DYNC1LI2: variants seen among roughly 807,000 people sequenced by gnomAD.
DYNC1LI2 encodes dynein cytoplasmic 1 light intermediate chain 2.
Under a neutral mutation model 57.8 loss-of-function variants are expected in DYNC1LI2, and 19 were observed. The observed-to-expected ratio is 0.33, with a 90% confidence interval of 0.23 to 0.48. The LOEUF (loss-of-function observed/expected upper bound fraction) is 0.48. DYNC1LI2 is among the 20% of genes least tolerant of loss of function. DYNC1LI2 has a pLI of 0.99. For synonymous variants in DYNC1LI2, 256 were observed against 233.4 expected (o/e 1.10, Z -0.88); for missense variants, 470 against 604.2 (o/e 0.78, Z 2.33).
chr16:66,721,955 C>G lies in DYNC1LI2; in HGVS notation c.*1767G>C, dbSNP rs2144959576. 1 of 152,432 alleles carries G rather than the reference C, an allele frequency of 6.6e-6. No homozygotes were observed. Among genetic ancestry groups the G allele is most frequent in the South Asian group, 2.1e-4 (1 of 4,822 alleles). The allele number at this position is 152,432 out of a possible 1,614,324, so 9.4% of individuals were successfully genotyped here. On this transcript the variant is annotated 3_prime_UTR_variant, in exon 13 of 13. Transcript: ENST00000258198. ...TGGTCACTATACCACAATTATCATT[C>G]TACAGTCAGTTTACTGTCATTACCT... is the stretch of plus-strand genomic sequence containing the variant.
intron 4 of DYNC1LI2, among the ~76,000 whole-genome samples, chr16:66,739,491 C>T (rs1179268131): frequency 2.6e-5 from 4 of 152,000 alleles, no homozygotes; most frequent in East Asian, 1.9e-4. Flanking sequence ...GCCCAGGCTG[C>T]GGGGCAGTGG....
intron 3 of DYNC1LI2, among the ~76,000 whole-genome samples, chr16:66,745,451 T>C (rs2017918204): frequency 6.6e-6 from 1 of 151,460 alleles, no homozygotes; most frequent in Non-Finnish European, 1.5e-5. Context: ...CTGATTTTTG[T>C]ATTTTTAGTA....
intron 8 of DYNC1LI2, 21 bp from the exon 9 acceptor site, chr16:66,729,120 T>C (rs762407729): frequency 1.9e-6 from 3 of 1,613,874 alleles, no homozygotes; most frequent in South Asian, 2.2e-5. Flanking sequence ...ACATACATGT[T>C]TGTGGCCACA....
intron 6 of DYNC1LI2, 79 bp from the exon 7 acceptor site, chr16:66,732,553 C>A: frequency 2.0e-6 from 3 of 1,466,950 alleles, no homozygotes; most frequent in South Asian, 1.4e-5. Flanking sequence ...AAGTACTACT[C>A]ATAGGTTGAT....
chr16:66,734,170 T>C (rs202064326), intron 6 of DYNC1LI2, 48 bp downstream of exon 6: 4 of 1,588,664 alleles, frequency 2.5e-6, no homozygotes, highest in East Asian at 2.2e-5. Context: ...GATGCCCCAT[T>C]TGGAAGAAAG....
At chr16:66,748,305 A>AAAAAAAAAAAAAAAAAAAAAT (rs1441454828) in intron 3 of DYNC1LI2, among the ~76,000 whole-genome samples, 2 of 137,342 alleles carry the variant, frequency 1.5e-5, no homozygotes, top group African/African-American at 5.5e-5. Context: ...AAAAAAAAAA[A>AAAAAAAAAAAAAAAAAAAAAT]CTAACATAAA....
chr16:66,729,987 G>A (rs1476649468), intron 8 of DYNC1LI2, 125 bp downstream of exon 8: 9 of 671,404 alleles, frequency 1.3e-5, no homozygotes, highest in Admixed American at 1.0e-4. Context: ...TGCCATGTTC[G>A]CCAGGCTGGT....
chr16:66,728,283 CAG>C, intron 9 of DYNC1LI2, 41 bp from the exon 10 acceptor site: 1 of 1,612,464 alleles, frequency 6.2e-7, no homozygotes, highest in Non-Finnish European at 8.5e-7. Flanking sequence ...CCAAGGCCTG[CAG>C]AGAGCACTGA....
rs2018044332 is a variant in DYNC1LI2, at chr16:66,751,249, C to T, written c.181+24G>A. The T allele has an allele frequency of 3.7e-6, 6 of 1,607,624 alleles. No homozygotes were observed. The highest frequency in any genetic ancestry group is 5.1e-6 in the Non-Finnish European group (6 of 1,177,574). On this transcript the variant is annotated intron_variant, in intron 2 of 12. Coordinates refer to ENST00000258198, the MANE Select transcript of DYNC1LI2 (RefSeq NM_006141.3). This position sits in a 1 kb window ranked among gnomAD's most constrained non-coding sequence, Gnocchi z 5.2. ...CCTCGCCCACCCCAGCGACCTGGGG[C>T]AACGCCCCGCCGCCGGCGCTCACCG...
chr16:66,734,078 C>T, intron 6 of DYNC1LI2, 140 bp downstream of exon 6: 1 of 685,578 alleles, frequency 1.5e-6, no homozygotes, highest in Admixed American at 3.0e-5. Flanking sequence ...TACAGTAAAA[C>T]ATAAACCTAG....
At chr16:66,726,484 A>T (rs1376510415) in intron 11 of DYNC1LI2, among the ~76,000 whole-genome samples, 1 of 152,202 alleles carries the variant, frequency 6.6e-6, no homozygotes, top group Non-Finnish European at 1.5e-5. Context: ...TTACAGATTC[A>T]AAATACACAT....
At chr16:66,746,914 C>T (rs536673506) in intron 3 of DYNC1LI2, among the ~76,000 whole-genome samples, 55 of 152,274 alleles carry the variant, frequency 3.6e-4, no homozygotes, top group African/African-American at 1.2e-3. Flanking sequence ...AGCCACAGCT[C>T]TTTCCACAGT....
Position 66,727,926 on chromosome 16 carries a change from T to C in DYNC1LI2, c.1144-121A>G, listed in dbSNP as rs1044479993. ...ACAGGCTATGGTACAGGACTGGGAG[T>C]ATGCTCTCAATTCAAGCCCTTTCTG... On this transcript the variant is annotated intron_variant, in intron 10 of 12. Transcript: ENST00000258198. 8.3e-6 allele frequency: 8 copies of C among 966,488 alleles called. No homozygotes were observed. In the Admixed American group the frequency reaches 9.8e-5, roughly 12 times the overall value. The allele number at this position is 966,488 out of a possible 1,614,324, so 59.9% of individuals were successfully genotyped here.
At chr16:66,731,173 G>C (rs575586963) in intron 7 of DYNC1LI2, 112 of 152,398 alleles carry the variant, frequency 7.3e-4, no homozygotes, top group African/African-American at 2.5e-3. Context: ...CGGAAGCTGA[G>C]AGATGCTTCT....
chr16:66,747,702 T>C (rs111517775), intron 3 of DYNC1LI2, among the ~76,000 whole-genome samples: 10 of 151,676 alleles, frequency 6.6e-5, no homozygotes, highest in African/African-American at 1.9e-4. Flanking sequence ...CCAGAGTAGC[T>C]GGGGCTACAG....
At chr16:66,730,386 G>C in intron 7 of DYNC1LI2, 163 bp from the exon 8 acceptor site, 1 of 593,892 alleles carries the variant, frequency 1.7e-6, no homozygotes, top group Non-Finnish European at 2.9e-6. Flanking sequence ...AATACACTGT[G>C]GGTATAATCC....
intron 4 of DYNC1LI2, among the ~76,000 whole-genome samples, chr16:66,739,712 G>A (rs1017776939): frequency 2.0e-5 from 3 of 152,206 alleles, no homozygotes; most frequent in African/African-American, 7.2e-5. Flanking sequence ...CAAGCATTGA[G>A]CCACTGCGCC....
chr16:66,737,464 C>T (rs1421883320), intron 4 of DYNC1LI2, among the ~76,000 whole-genome samples: 1 of 124,496 alleles, frequency 8.0e-6, no homozygotes, highest in Non-Finnish European at 1.6e-5. Context: ...TCGGAGGTTG[C>T]AGTAAGACAG....
chr16:66,730,073 GC>G, intron 8 of DYNC1LI2, 38 bp downstream of exon 8: 1 of 1,575,238 alleles, frequency 6.3e-7, no homozygotes, highest in Non-Finnish European at 8.7e-7. Context: ...CAGCCACCGC[GC>G]CCGGCCCTAA....
Sources: gnomAD v4.1 joint callset for allele counts (sites outside exome capture counted in the v4.1 genomes callset) on GRCh38, gnomAD v4.1.1 for gene constraint, Gnocchi (gnomAD v3.1) non-coding constraint, MANE v1.5 for transcripts, NCBI Gene and HGNC (gene_info 2026-07-23, HGNC 2026-07-21) for gene names.